SPG11: variants seen among roughly 807,000 people sequenced by gnomAD.
SPG11 encodes the protein spatacsin.
In SPG11, 222 loss-of-function variants were observed where a neutral mutation model predicts 274.0. The ratio of observed to expected loss-of-function variants is 0.81; its 90% confidence interval spans 0.73 to 0.91. The LOEUF (loss-of-function observed/expected upper bound fraction) is 0.91, where lower values mean the gene tolerates loss of function less well. SPG11 is among the 40% of genes least tolerant of loss of function. SPG11 has a pLI of 0.00. For synonymous variants in SPG11, 1,144 were observed against 1,039.7 expected (o/e 1.10, Z -1.93); for missense variants, 3,114 against 2,872.7 (o/e 1.08, Z -1.92).
In SPG11 at chr15:44,584,146, T is replaced by G; in HGVS notation, c.5534A>C (p.Lys1845Thr). The change falls in exon 30 of 40, where the codon AAG becomes ACG. Residue 1845 changes from lysine (K) to threonine (T), a missense_variant. Coordinates refer to ENST00000261866, the MANE Select transcript of SPG11 (RefSeq NM_025137.4). ...TTTTGATGTGTTCAGAGCAGCCAAC[T>G]TGGAGAAGGAAAACTCACTGGCTAA... ...DSLASEFSFS[K>T]LAALNTSKYL... The G allele has an allele frequency of 1.2e-6, 2 of 1,614,206 alleles. No homozygotes were observed. The highest frequency in any genetic ancestry group is 1.7e-6 in the Non-Finnish European group (2 of 1,180,040).
At position 44,657,148 on chromosome 15, in the gene SPG11, C is replaced by T; in HGVS notation, c.816G>A (p.Val272=). The T allele has an allele frequency of 6.2e-7, 1 of 1,614,128 alleles. No homozygotes were observed. Among genetic ancestry groups the T allele is most frequent in the Non-Finnish European group, 8.5e-7 (1 of 1,180,010 alleles). The stretch of plus-strand genomic sequence containing the variant: ...CTGCGGAGTTGGAGGAGCTGACAAT[C>T]ACTGCAACATCGAGGTCTTGAGAAA... ...LKVSQDLDVA[V]IVSSSNSAVA... The change falls in exon 4 of 40, where the codon GTG becomes GTA. Residue 272 remains valine (V), a synonymous_variant. Transcript: ENST00000261866.
chr15:44,593,294 T>G (rs565668938), intron 26 of SPG11, among the ~76,000 whole-genome samples: 50 of 152,156 alleles, frequency 3.3e-4, no homozygotes, highest in Non-Finnish European at 5.6e-4. Flanking sequence ...TGACCTCAGG[T>G]GATCCTCCCA....
Position 44,613,541 on chromosome 15 carries a change from A to G in SPG11, c.3039-5T>C, listed in dbSNP as rs763224175. The G allele has an allele frequency of 6.3e-7, 1 of 1,589,330 alleles. No homozygotes were observed. The highest frequency in any genetic ancestry group is 8.6e-7 in the Non-Finnish European group (1 of 1,157,650). The stretch of plus-strand genomic sequence containing the variant: ...GGACAATTTTCAGGACTAAGTCTGT[A>G]TATAAAACAAACAAAAACCTTCTTT... On this transcript the variant is annotated splice_region_variant and splice_polypyrimidine_tract_variant and intron_variant, in intron 16 of 39. Transcript: ENST00000261866.
At chr15:44,601,558 T>TTC (rs1567153749) in intron 20 of SPG11, among the ~76,000 whole-genome samples, 1 of 124,134 alleles carries the variant, frequency 8.1e-6, no homozygotes, top group African/African-American at 3.5e-5. Context: ...CAGCCTCTTC[T>TTC]TTTTTTTTTT....
Position 44,596,868 on chromosome 15 carries a change from T to A in SPG11, c.4077A>T (p.Ile1359=), listed in dbSNP as rs541172391. The A allele has an allele frequency of 1.2e-6, 2 of 1,613,992 alleles. No individual in the cohort carries two copies. The highest frequency in any genetic ancestry group is 2.7e-5 in the African/African-American group (2 of 74,996). The change falls in exon 24 of 40, where the codon ATA becomes ATT. Residue 1359 remains isoleucine (I), a synonymous_variant. Transcript: ENST00000261866. ...FCRLHNMKLS[I]SYLRECAKAN... is the part of the protein sequence containing the mutation. ...CTTTGGCACATTCTCTAAGGTAAGA[T>A]ATGCTTAGTTTCATATTGTGTAGCC...
chr15:44,582,129 T>C (rs1388880548), intron 30 of SPG11, among the ~76,000 whole-genome samples: 2 of 152,220 alleles, frequency 1.3e-5, no homozygotes, highest in Non-Finnish European at 2.9e-5. Flanking sequence ...GTTTTACTGG[T>C]AAATTCTACT....
chr15:44,615,033 C>G (rs1460906019), intron 16 of SPG11, among the ~76,000 whole-genome samples: 1 of 152,142 alleles, frequency 6.6e-6, no homozygotes, highest in East Asian at 1.9e-4. Context: ...TCTTGGTAAT[C>G]AAAGTATCAA....
At chr15:44,663,335 C>G in intron 1 of SPG11, 56 bp downstream of exon 1, 2 of 1,571,340 alleles carry the variant, frequency 1.3e-6, no homozygotes, top group Non-Finnish European at 1.7e-6. Context: ...GGGGCTCAGT[C>G]AGCCGAGCCT....
intron 30 of SPG11, among the ~76,000 whole-genome samples, chr15:44,575,782 A>C (rs1024260833): frequency 1.8e-4 from 28 of 152,178 alleles, no homozygotes; most frequent in Admixed American, 2.6e-4. Context: ...GGCATGGGCC[A>C]CTGCACCCAC....
intron 7 of SPG11, among the ~76,000 whole-genome samples, chr15:44,634,108 G>A (rs1265364718): frequency 6.6e-6 from 1 of 152,046 alleles, no homozygotes; most frequent in Non-Finnish European, 1.5e-5. Flanking sequence ...CAAAGTGCTG[G>A]GATTACAGGT....
chr15:44,632,636 A>G (rs1209600493), intron 8 of SPG11, among the ~76,000 whole-genome samples: 1 of 152,010 alleles, frequency 6.6e-6, no homozygotes, highest in East Asian at 1.9e-4. Flanking sequence ...CAGCCTTCCA[A>G]GTAGTTGGGA....
intron 12 of SPG11, 166 bp downstream of exon 12, chr15:44,622,562 A>T (rs2083783213): frequency 1.3e-6 from 1 of 746,794 alleles, no homozygotes; most frequent in Admixed American, 2.8e-5. Context: ...ATAGTCATTG[A>T]AGAAAGATGA....
chr15:44,630,735 A>G (rs1443730744), intron 8 of SPG11, among the ~76,000 whole-genome samples: 1 of 151,974 alleles, frequency 6.6e-6, no homozygotes, highest in Non-Finnish European at 1.5e-5. Flanking sequence ...ATGCACCACC[A>G]CACATGGCTA....
At chr15:44,657,893 G>A (rs906966322) in intron 3 of SPG11, among the ~76,000 whole-genome samples, 19 of 152,186 alleles carry the variant, frequency 1.2e-4, no homozygotes, top group African/African-American at 4.1e-4. Flanking sequence ...TGGGCGTGGC[G>A]GCCCATGCCT....
At chr15:44,621,721 A>G (rs369522636) in intron 14 of SPG11, 38 bp downstream of exon 14, 50 of 1,583,188 alleles carry the variant, frequency 3.2e-5, no homozygotes, top group Non-Finnish European at 4.1e-5. Flanking sequence ...TTTAATCCTC[A>G]TTCAGTATGT....
intron 29 of SPG11, among the ~76,000 whole-genome samples, chr15:44,585,142 A>G (rs1162083870): frequency 6.6e-6 from 1 of 152,028 alleles, no homozygotes; most frequent in Non-Finnish European, 1.5e-5. Context: ...TGCAGCACAC[A>G]TTTCTCAATC....
At chr15:44,648,240 G>C (rs2141096797) in intron 7 of SPG11, among the ~76,000 whole-genome samples, 1 of 152,276 alleles carries the variant, frequency 6.6e-6, no homozygotes, top group African/African-American at 2.4e-5. Context: ...CAGGCTGGGT[G>C]CAGTGGCTCA....
Position 44,615,561 on chromosome 15 carries a change from C to A in SPG11, c.2840G>T (p.Gly947Val). 6.2e-7 allele frequency: 1 copy of A among 1,613,898 alleles called. No individual in the cohort carries two copies. The highest frequency in any genetic ancestry group is 8.5e-7 in the Non-Finnish European group (1 of 1,179,952). ...TTCCAGTTCAGATGCCAAAAAAACCCCATTCCTATGGACAGATTTATAGGA... is the reference window on the plus strand; with the variant it reads ...TTCCAGTTCAGATGCCAAAAAAACCACATTCCTATGGACAGATTTATAGGA... ...NEILDKLARN[G>V]VFLASELEDF... The change falls in exon 16 of 40, where the codon GGG becomes GTG. Residue 947 changes from glycine (G) to valine (V), a missense_variant. Gly to Val is a moderately radical substitution (Grantham distance 109, BLOSUM62 -3). Transcript: ENST00000261866.
At chr15:44,564,518 A>T in intron 39 of SPG11, 29 bp downstream of exon 39, 1 of 1,611,194 alleles carries the variant, frequency 6.2e-7, no homozygotes, top group Non-Finnish European at 8.5e-7. Context: ...GGCAAGGAGC[A>T]ATGTTTACAG....
Sources: gnomAD v4.1 joint callset for allele counts (sites outside exome capture counted in the v4.1 genomes callset) on GRCh38, gnomAD v4.1.1 for gene constraint, MANE v1.5 for transcripts, NCBI Gene and HGNC (gene_info 2026-07-23, HGNC 2026-07-21) for gene names.